CCSER1: variants seen among roughly 807,000 people sequenced by gnomAD.
CCSER1 encodes the protein serine-rich coiled-coil domain-containing protein 1.
In CCSER1, 41 loss-of-function variants were observed where a neutral mutation model predicts 82.0. The observed-to-expected ratio is 0.50, with a 90% CI of 0.39 to 0.65. CCSER1 has a LOEUF of 0.65. Ranked by LOEUF, CCSER1 falls within the 30% of genes least tolerant of loss-of-function variation. The probability of loss-of-function intolerance (pLI) is 0.00; values close to 1 mark genes in which losing one functional copy is unlikely to be tolerated. For missense variants in CCSER1, 1,119 were observed against 1,064.2 expected (o/e 1.05, Z -0.72); for synonymous variants, 414 against 383.9 (o/e 1.08, Z -0.92).
chr4:90,614,119 C>T, intron 5 of CCSER1, among the ~76,000 whole-genome samples: 1 of 151,878 alleles, frequency 6.6e-6, no homozygotes, highest in Non-Finnish European at 1.5e-5. Flanking sequence ...AGATTTCAAA[C>T]TTTTTCATTA....
chr4:90,855,032 A>G (rs1764305005), intron 8 of CCSER1, among the ~76,000 whole-genome samples: 2 of 152,016 alleles, frequency 1.3e-5, no homozygotes, highest in Non-Finnish European at 2.9e-5. Context: ...AGTGCTACAC[A>G]CTTTCAAATA....
chr4:90,309,497 G>C lies in CCSER1; in HGVS notation c.1213G>C (p.Glu405Gln), dbSNP rs1399103757. 1 of 1,613,654 alleles carries C rather than the reference G, an allele frequency of 6.2e-7. No homozygotes were observed. The highest frequency in any genetic ancestry group is 8.5e-7 in the Non-Finnish European group (1 of 1,179,748). Reference protein sequence around the residue: ...GFYEQHKAIAEHVKGIHPISD... With the variant: ...GFYEQHKAIAQHVKGIHPISD... The stretch of plus-strand genomic sequence containing the variant: ...TTATGAGCAACATAAAGCAATAGCG[G>C]AACATGTAAAAGGGATCCATCCTAT... The change falls in exon 2 of 11, where the codon GAA becomes CAA. Residue 405 changes from glutamate to glutamine, a missense_variant. Physicochemically the swap from Glu to Gln is conservative, Grantham distance 29 (BLOSUM62 2). Transcript: ENST00000509176.
intron 9 of CCSER1, among the ~76,000 whole-genome samples, chr4:90,977,566 A>T (rs1451494703): frequency 2.0e-5 from 3 of 151,660 alleles, no homozygotes; most frequent in African/African-American, 7.3e-5. Context: ...GACATCATAT[A>T]TGTGAATGAA....
At chr4:91,064,782 A>G (rs1744225799) in intron 9 of CCSER1, among the ~76,000 whole-genome samples, 1 of 152,228 alleles carries the variant, frequency 6.6e-6, no homozygotes, top group East Asian at 1.9e-4. Flanking sequence ...CCTTCTAAAG[A>G]GTAGTTTAAG....
rs34919527 is a variant in CCSER1 at position 90,920,950 on chromosome 4, GAA to G, written c.2095-2417_2095-2416del. ...CATTATATCAAATCAATGTGAAACT[GAA>G]AATACATGATGATACTTTGTTTCTA... On this transcript the variant is annotated intron_variant, in intron 8 of 10. Transcript: ENST00000509176. Among the ~76,000 whole-genome samples, 282 of 151,702 alleles carry G rather than the reference GAA, an allele frequency of 1.9e-3. 1 individual carries two copies. The highest frequency in any genetic ancestry group is 6.7e-3 in the African/African-American group (278 of 41,476).
rs76600322 is a variant in CCSER1, at chr4:91,215,141, C to T, written c.2217+129147C>T. On this transcript the variant is annotated intron_variant, in intron 10 of 10. Transcript: ENST00000509176. Reference sequence around the variant, plus strand: ...ATGCCATTTATTATGATAAAATATACCTTTGTACCTATATATGGTGAGCCT... The same window carrying T: ...ATGCCATTTATTATGATAAAATATATCTTTGTACCTATATATGGTGAGCCT... Among the ~76,000 whole-genome samples, 1,433 of 152,002 alleles carry T rather than the reference C, an allele frequency of 9.4e-3. 54 individuals are homozygous for T. The East Asian group carries it at 0.13, about 14-fold the overall frequency.
intron 10 of CCSER1, among the ~76,000 whole-genome samples, chr4:91,460,497 G>A (rs1465199085): frequency 6.6e-6 from 1 of 152,094 alleles, no homozygotes; most frequent in Non-Finnish European, 1.5e-5. Context: ...CTGTACCCAG[G>A]AAGAAGAGAA....
At chr4:90,883,041 T>C (rs1046583241) in intron 8 of CCSER1, among the ~76,000 whole-genome samples, 1 of 152,056 alleles carries the variant, frequency 6.6e-6, no homozygotes, top group African/African-American at 2.4e-5. Flanking sequence ...TGAGAAAAGC[T>C]AGGTCTAGAG....
At chr4:90,952,622 G>A (rs1160784012) in intron 9 of CCSER1, among the ~76,000 whole-genome samples, 2 of 151,986 alleles carry the variant, frequency 1.3e-5, no homozygotes, top group Non-Finnish European at 2.9e-5. Flanking sequence ...GCCTGAGGAA[G>A]CATCATAATG....
chr4:91,394,893 T>C (rs1372655102), intron 10 of CCSER1, among the ~76,000 whole-genome samples: 2 of 151,786 alleles, frequency 1.3e-5, no homozygotes, highest in Non-Finnish European at 2.9e-5. Context: ...TGACCTACAT[T>C]TTTTCACATC....
At chr4:91,082,596 A>G (rs1722894451) in intron 9 of CCSER1, among the ~76,000 whole-genome samples, 1 of 152,176 alleles carries the variant, frequency 6.6e-6, no homozygotes, top group African/African-American at 2.4e-5. Context: ...TGCACAGCAA[A>G]AGAAACTACC....
intron 10 of CCSER1, among the ~76,000 whole-genome samples, chr4:91,378,167 T>G (rs1017863655): frequency 3.3e-5 from 5 of 152,196 alleles, no homozygotes; most frequent in Non-Finnish European, 7.3e-5. Flanking sequence ...GTAGTATAGT[T>G]TGAAGTCAGG....
chr4:90,295,152 T>TGA (rs1391709846), intron 1 of CCSER1, among the ~76,000 whole-genome samples: 8 of 152,004 alleles, frequency 5.3e-5, no homozygotes, highest in African/African-American at 1.9e-4. Flanking sequence ...ACAATAAGCC[T>TGA]GAGTATCCCT....
At chr4:91,389,111 G>T (rs1370356590) in intron 10 of CCSER1, among the ~76,000 whole-genome samples, 1 of 151,960 alleles carries the variant, frequency 6.6e-6, no homozygotes, top group Non-Finnish European at 1.5e-5. Context: ...GTATGAATTG[G>T]TGTTATATCT....
intron 7 of CCSER1, among the ~76,000 whole-genome samples, chr4:90,783,835 C>A (rs543256208): frequency 2.6e-5 from 4 of 152,088 alleles, no homozygotes; most frequent in African/African-American, 4.8e-5. Flanking sequence ...GGGATACAGG[C>A]CCACTTAAGA....
chr4:90,286,594 A>G (rs931491047), intron 1 of CCSER1, among the ~76,000 whole-genome samples: 3 of 152,044 alleles, frequency 2.0e-5, no homozygotes, highest in African/African-American at 7.2e-5. Flanking sequence ...TGCAAAGTGA[A>G]ATTTTGAAGC....
chr4:91,463,276 A>G (rs1358614392), intron 10 of CCSER1, among the ~76,000 whole-genome samples: 1 of 152,220 alleles, frequency 6.6e-6, no homozygotes, highest in East Asian at 1.9e-4. Context: ...AGCAAACTCA[A>G]CAGACCTGCA....
At chr4:90,255,009 A>ACACG (rs1228293377) in intron 1 of CCSER1, among the ~76,000 whole-genome samples, 1 of 150,472 alleles carries the variant, frequency 6.6e-6, no homozygotes, top group African/African-American at 2.5e-5. Context: ...ACACACACAC[A>ACACG]CGCACACTTT....
chr4:90,318,983 A>G (rs1241911547), intron 3 of CCSER1, among the ~76,000 whole-genome samples: 1 of 152,176 alleles, frequency 6.6e-6, no homozygotes, highest in African/African-American at 2.4e-5. Flanking sequence ...GGCATGCTTC[A>G]TTTGGATTGT....
Sources: gnomAD v4.1 joint callset for allele counts (sites outside exome capture counted in the v4.1 genomes callset) on GRCh38, gnomAD v4.1.1 for gene constraint, MANE v1.5 for transcripts, NCBI Gene and HGNC (gene_info 2026-07-23, HGNC 2026-07-21) for gene names.